COL6A6: variants seen among roughly 807,000 people sequenced by gnomAD.
The protein encoded by COL6A6 is collagen type VI alpha 6 chain, also known as collagen alpha-6(VI) chain.
In COL6A6, 183 loss-of-function variants were observed where a neutral mutation model predicts 208.6. The ratio of observed to expected loss-of-function variants is 0.88; its 90% CI spans 0.78 to 0.99. The LOEUF is 0.99. Ranked by LOEUF, COL6A6 falls within the 50% of genes least tolerant of loss-of-function variation. The pLI is 0.00. For synonymous variants in COL6A6, 973 were observed against 1,011.8 expected, an observed-to-expected ratio of 0.96 and a Z score of 0.73; for missense variants, 2,816 against 2,815.2, an observed-to-expected ratio of 1.00 and a Z score of -0.01.
chr3:130,568,605 G>A lies in COL6A6; in HGVS notation c.2401+1G>A, dbSNP rs200413130. Reference sequence around the variant, plus strand: ...TTTGGAATATGCAGCCCCCGTGAAGGTAGGCATGGGCATACTCACTAGCAG... The same window carrying A: ...TTTGGAATATGCAGCCCCCGTGAAGATAGGCATGGGCATACTCACTAGCAG... On this transcript the variant is annotated splice_donor_variant, in intron 6 of 36. Coordinates refer to ENST00000358511, the MANE Select transcript of COL6A6 (RefSeq NM_001102608.3). LOFTEE classifies it high-confidence loss of function. The A allele has an allele frequency of 7.5e-6, 12 of 1,592,506 alleles. No individual in the cohort carries two copies. Among genetic ancestry groups the A allele is most frequent in the Admixed American group, 6.7e-5 (4 of 59,578 alleles).
At position 130,669,018 on chromosome 3, in the gene COL6A6, A is replaced by AT. The variant is rs573350851; in HGVS notation, c.6596+3923dup. Among the ~76,000 whole-genome samples, 713 of 152,378 alleles carry AT rather than the reference A, an allele frequency of 4.7e-3. 4 individuals are homozygous for AT. The highest frequency in any genetic ancestry group is 7.9e-3 in the Non-Finnish European group (539 of 68,032). On this transcript the variant is annotated intron_variant, in intron 36 of 36. Coordinates refer to ENST00000358511, the MANE Select transcript of COL6A6 (RefSeq NM_001102608.3). Reference sequence around the variant, plus strand: ...GTGTTCCTTGTGCAACTTCTAACTTATAAAGCAAGTGTCAACAAATCTCTG... The same window carrying AT: ...GTGTTCCTTGTGCAACTTCTAACTTATTAAAGCAAGTGTCAACAAATCTCTG...
rs780016731 is a variant in COL6A6, at chr3:130,589,166, G to A, written c.4202G>A (p.Gly1401Glu). The change falls in exon 12 of 37, where the codon GGA becomes GAA. Residue 1401 changes from glycine (G) to glutamate (E), a missense_variant. By Grantham distance (98) the Gly-to-Glu change is moderately conservative. Transcript: ENST00000358511. ...GGAGATGGCACAATGGGAGATCCTGGACCACCAGGGAAAAGGGTGATTTTA... is the reference window on the plus strand; with the variant it reads ...GGAGATGGCACAATGGGAGATCCTGAACCACCAGGGAAAAGGGTGATTTTA... The part of the protein sequence containing the change: ...IGGDGTMGDP[G>E]PPGKRGPPGF... The A allele has an allele frequency of 1.1e-5, 18 of 1,613,382 alleles. No individual in the cohort carries two copies. Among genetic ancestry groups the A allele is most frequent in the Non-Finnish European group, 1.5e-5 (18 of 1,179,382 alleles).
chr3:130,673,501 C>T (rs1028222133), intron 36 of COL6A6, among the ~76,000 whole-genome samples: 3 of 151,790 alleles, frequency 2.0e-5, no homozygotes, highest in South Asian at 4.2e-4. Context: ...GGGGACGCAG[C>T]GTGAAGGGGC....
rs1273886713 is a variant in COL6A6, at chr3:130,650,301, G to A, written c.5733+739G>A. ...AGACCGTGAAGGGGGGGGCCAGGGA[G>A]CAGCAAAGAGGCATTGGAAAATTTA... On this transcript the variant is annotated intron_variant, in intron 33 of 36. Transcript: ENST00000358511. 7.9e-5 allele frequency among the ~76,000 whole-genome samples: 12 copies of A among 152,310 alleles called. No individual in the cohort carries two copies. In the South Asian group the frequency reaches 1.0e-3, roughly 13 times the overall value.
At chr3:130,580,295 A>G (rs2063389671) in intron 8 of COL6A6, among the ~76,000 whole-genome samples, 2 of 152,230 alleles carry the variant, frequency 1.3e-5, no homozygotes, top group South Asian at 4.1e-4. Flanking sequence ...TCTGATGAAG[A>G]AGAGATTTCC....
chr3:130,580,327 A>G (rs2063390467), intron 8 of COL6A6, among the ~76,000 whole-genome samples: 1 of 152,250 alleles, frequency 6.6e-6, no homozygotes, highest in Non-Finnish European at 1.5e-5. Flanking sequence ...GTAAAATAAG[A>G]TGCTCAGTCT....
intron 1 of COL6A6, among the ~76,000 whole-genome samples, chr3:130,521,758 G>A (rs1426663137): frequency 2.6e-5 from 4 of 152,152 alleles, no homozygotes; most frequent in Admixed American, 2.6e-4. Context: ...AAACACCCCT[G>A]GAGCAATACC....
chr3:130,578,953 G>A (rs1264195186), intron 8 of COL6A6, among the ~76,000 whole-genome samples: 2 of 152,200 alleles, frequency 1.3e-5, no homozygotes, highest in South Asian at 2.1e-4. Flanking sequence ...TACGCCTTGG[G>A]AAAGGGAGGA....
At chr3:130,585,655 C>T (rs1219982105) in intron 10 of COL6A6, among the ~76,000 whole-genome samples, 3 of 152,196 alleles carry the variant, frequency 2.0e-5, no homozygotes, top group South Asian at 2.1e-4. Flanking sequence ...AACCCCAAAG[C>T]CTCCGAGCCA....
intron 1 of COL6A6, among the ~76,000 whole-genome samples, chr3:130,557,808 T>G (rs1444368533): frequency 2.6e-5 from 4 of 152,222 alleles, no homozygotes; most frequent in African/African-American, 9.6e-5. Context: ...AGAGGTGTTG[T>G]ACAAGTTCTA....
At chr3:130,563,043 C>T (rs1333805753) in intron 2 of COL6A6, 25 bp from the exon 3 acceptor site, 7 of 1,502,400 alleles carry the variant, frequency 4.7e-6, no homozygotes, top group Non-Finnish European at 6.3e-6. Flanking sequence ...GTTTTTGGTT[C>T]GTTCATATGT....
In COL6A6 at chr3:130,675,364, G is replaced by A. The variant is rs2066333291; in HGVS notation, c.6759G>A (p.Arg2253=). Residue 2253 remains arginine, a synonymous_variant, in exon 37 of 37, where the codon AGG becomes AGA. Coordinates refer to ENST00000358511, the MANE Select transcript of COL6A6 (RefSeq NM_001102608.3). ...RSTSHTFKNG[R]MIESAPKQHD is the part of the protein sequence containing the mutation. ...CCTCCCATACCTTTAAGAATGGAAG[G>A]ATGATAGAAAGTGCTCCCAAACAAC... 1 of 1,594,358 alleles carries A rather than the reference G, an allele frequency of 6.3e-7. No homozygotes were observed. Among genetic ancestry groups the A allele is most frequent in the East Asian group, 2.2e-5 (1 of 44,528 alleles).
At chr3:130,618,831 T>C (rs1223038961) in intron 23 of COL6A6, among the ~76,000 whole-genome samples, 3 of 152,246 alleles carry the variant, frequency 2.0e-5, no homozygotes, top group African/African-American at 7.2e-5. Context: ...GGATAATCTC[T>C]CATTGTTCTT....
intron 28 of COL6A6, among the ~76,000 whole-genome samples, 167 bp from the exon 29 acceptor site, chr3:130,641,484 TA>T (rs2065306733): frequency 6.6e-6 from 1 of 152,230 alleles, no homozygotes; most frequent in Admixed American, 6.5e-5. Context: ...TTGCTGGGAA[TA>T]TTTTTTCCTT....
At chr3:130,552,738 G>A (rs752700506) in intron 1 of COL6A6, among the ~76,000 whole-genome samples, 1 of 152,168 alleles carries the variant, frequency 6.6e-6, no homozygotes, top group Non-Finnish European at 1.5e-5. Flanking sequence ...GTGGTTGCTG[G>A]TGTCACTGGT....
At chr3:130,625,245 C>A (rs1230698992) in intron 24 of COL6A6, among the ~76,000 whole-genome samples, 1 of 152,182 alleles carries the variant, frequency 6.6e-6, no homozygotes, top group Non-Finnish European at 1.5e-5. Flanking sequence ...TTCGTTACCC[C>A]AGAGTTCAGT....
At chr3:130,559,240 A>C (rs1255222259) in intron 1 of COL6A6, among the ~76,000 whole-genome samples, 1 of 152,244 alleles carries the variant, frequency 6.6e-6, no homozygotes, top group Non-Finnish European at 1.5e-5. Context: ...CTCTAAAATG[A>C]AAAGGTTTGT....
intron 1 of COL6A6, among the ~76,000 whole-genome samples, chr3:130,548,881 G>T (rs572080609): frequency 1.3e-5 from 2 of 152,192 alleles, no homozygotes; most frequent in Non-Finnish European, 2.9e-5. Context: ...TCTCTCCAAT[G>T]GGGGCAGGGG....
At chr3:130,673,290 G>C (rs906500147) in intron 36 of COL6A6, among the ~76,000 whole-genome samples, 1 of 150,104 alleles carries the variant, frequency 6.7e-6, no homozygotes, top group African/African-American at 2.5e-5. Context: ...CAAAGATATG[G>C]TATTAATGTT....
Sources: gnomAD v4.1 joint callset for allele counts (sites outside exome capture counted in the v4.1 genomes callset) on GRCh38, gnomAD v4.1.1 for gene constraint, MANE v1.5 for transcripts, NCBI Gene and HGNC (gene_info 2026-07-23, HGNC 2026-07-21) for gene names.